CACNA1A: variants seen among roughly 807,000 people sequenced by gnomAD.
CACNA1A encodes the protein voltage-dependent P/Q-type calcium channel subunit alpha-1A.
Under a neutral mutation model 262.4 loss-of-function variants are expected in CACNA1A, and 57 were observed. The observed-to-expected ratio is 0.22, with a 90% CI of 0.18 to 0.27. CACNA1A has a LOEUF of 0.27. Ranked by LOEUF, CACNA1A falls within the 10% of genes least tolerant of loss-of-function variation. The pLI is 1.00. For missense variants in CACNA1A, 2,526 were observed against 3,562.8 expected (o/e 0.71, Z 7.41); for synonymous variants, 1,431 against 1,419.3 (o/e 1.01, Z -0.18).
At chr19:13,464,800 G>A (rs528108863) in intron 1 of CACNA1A, among the ~76,000 whole-genome samples, 41 of 151,750 alleles carry the variant, frequency 2.7e-4, no homozygotes, top group East Asian at 5.8e-4. Flanking sequence ...TGCCCACCTT[G>A]GCCTCCCAAA....
At chr19:13,491,057 C>A (rs1343258729) in intron 1 of CACNA1A, among the ~76,000 whole-genome samples, 1 of 152,358 alleles carries the variant, frequency 6.6e-6, no homozygotes, top group East Asian at 1.9e-4. Context: ...AGCTCAGACT[C>A]TGTCCCTTAA....
At chr19:13,357,318 G>A (rs1599271153) in intron 6 of CACNA1A, among the ~76,000 whole-genome samples, 1 of 152,314 alleles carries the variant, frequency 6.6e-6, no homozygotes, top group South Asian at 2.1e-4. Context: ...GGAACACTAG[G>A]CATAAATGGG....
At position 13,300,631 on chromosome 19, in the gene CACNA1A, G is replaced by A. The variant is rs1335209785; in HGVS notation, c.2198C>T (p.Ala733Val). ...TTTCTGTAGGGCAAGTTTCTGGTTCGCTGCTTCTTCTTCCTCTTGCTCGTC... is the reference window on the plus strand; with the variant it reads ...TTTCTGTAGGGCAAGTTTCTGGTTCACTGCTTCTTCTTCCTCTTGCTCGTC... ...TKDEQEEEEA[A>V]NQKLALQKAK... Residue 733 changes from alanine to valine, a missense_variant, in exon 18 of 47, where the codon GCG becomes GTG. Ala to Val is a moderately conservative substitution (Grantham distance 64, BLOSUM62 0). Transcript: ENST00000360228. The A allele has an allele frequency of 7.4e-6, 12 of 1,613,622 alleles. No individual in the cohort carries two copies. Among genetic ancestry groups the A allele is most frequent in the African/African-American group, 2.7e-5 (2 of 75,002 alleles).
At chr19:13,229,957 C>T (rs1404065186) in intron 36 of CACNA1A, 125 bp downstream of exon 36, 1 of 1,065,388 alleles carries the variant, frequency 9.4e-7, no homozygotes, top group African/African-American at 1.6e-5. Flanking sequence ...CCTGACTGAA[C>T]CTGTGAGACC....
At chr19:13,394,519 T>C (rs2900918) in intron 3 of CACNA1A, among the ~76,000 whole-genome samples, 34,093 of 152,060 alleles carry the variant, frequency 0.22, 9,060 homozygotes, top group African/African-American at 0.64. Flanking sequence ...GTCAGGGGAT[T>C]CTGAAGACTC....
intron 5 of CACNA1A, chr19:13,364,785 G>A (rs2059177585): frequency 6.6e-6 from 1 of 152,286 alleles, no homozygotes; most frequent in African/African-American, 2.4e-5. Flanking sequence ...GACTACAGGT[G>A]CCTGCCACCA....
intron 19 of CACNA1A, among the ~76,000 whole-genome samples, chr19:13,293,939 G>A (rs954629288): frequency 1.3e-5 from 2 of 152,184 alleles, no homozygotes; most frequent in African/African-American, 4.8e-5. Flanking sequence ...TGCTGCTCTT[G>A]TAGTTTCCAA....
rs2057957350 is a variant in CACNA1A at position 13,308,719 on chromosome 19, C to G, written c.1669-191G>C. On this transcript the variant is annotated intron_variant, in intron 12 of 46. Transcript: ENST00000360228. This position sits in a 1 kb window ranked among gnomAD's most constrained non-coding sequence, Gnocchi z 4.2. ...AGAGACCGGGTCTCACTGTGTCACCCAGGCTGGAGTGCAGTGGCGCAATCA... is the reference window on the plus strand; with the variant it reads ...AGAGACCGGGTCTCACTGTGTCACCGAGGCTGGAGTGCAGTGGCGCAATCA... 1 of 514,388 alleles carries G rather than the reference C, an allele frequency of 1.9e-6. No homozygotes were observed. Among genetic ancestry groups the G allele is most frequent in the African/African-American group, 1.9e-5 (1 of 51,988 alleles). The allele number at this position is 514,388 out of a possible 1,614,324, so 31.9% of individuals were successfully genotyped here. A position where few individuals can be genotyped will look rare whatever the true frequency, so the allele number is the denominator to read the frequency against.
At chr19:13,310,088 T>C (rs2057988269) in intron 12 of CACNA1A, among the ~76,000 whole-genome samples, 1 of 152,130 alleles carries the variant, frequency 6.6e-6, no homozygotes, top group Non-Finnish European at 1.5e-5. Flanking sequence ...ACCTTTTGTG[T>C]TTGGTTTCTT....
chr19:13,275,698 G>A (rs559353748), intron 24 of CACNA1A, 152 bp downstream of exon 24: 18 of 663,808 alleles, frequency 2.7e-5, no homozygotes, highest in African/African-American at 2.5e-4. Flanking sequence ...AGCCATCGAA[G>A]CTCTTCCTGG....
intron 10 of CACNA1A, among the ~76,000 whole-genome samples, chr19:13,317,839 T>C (rs1161116053): frequency 6.6e-6 from 1 of 152,228 alleles, no homozygotes; most frequent in Non-Finnish European, 1.5e-5. Flanking sequence ...ATTGAGTACC[T>C]ATTTTGTGCC....
At chr19:13,291,825 G>A (rs1192376376) in intron 19 of CACNA1A, among the ~76,000 whole-genome samples, 1 of 151,540 alleles carries the variant, frequency 6.6e-6, no homozygotes, top group Non-Finnish European at 1.5e-5. Flanking sequence ...AACCAACTTG[G>A]GCCCATTGGG....
chr19:13,210,283 G>C (rs1477606012), intron 44 of CACNA1A, among the ~76,000 whole-genome samples: 1 of 152,226 alleles, frequency 6.6e-6, no homozygotes, highest in Non-Finnish European at 1.5e-5. Flanking sequence ...GCAGGACCAG[G>C]GGTTGGTGGT....
intron 26 of CACNA1A, chr19:13,259,916 A>G: frequency 3.7e-6 from 2 of 546,290 alleles, no homozygotes; most frequent in South Asian, 4.1e-5. Flanking sequence ...GGGTGATGGC[A>G]CAACCTTACT....
chr19:13,323,105 A>G (rs1202549608), intron 10 of CACNA1A, among the ~76,000 whole-genome samples: 1 of 152,112 alleles, frequency 6.6e-6, no homozygotes, highest in African/African-American at 2.4e-5. Context: ...AACTAAATAC[A>G]AAAGTTAGCT....
intron 3 of CACNA1A, among the ~76,000 whole-genome samples, chr19:13,394,129 G>A (rs1311966268): frequency 6.6e-6 from 1 of 152,130 alleles, no homozygotes; most frequent in African/African-American, 2.4e-5. Context: ...CAAGTCTTAT[G>A]CATTATTTTA....
intron 24 of CACNA1A, among the ~76,000 whole-genome samples, chr19:13,266,033 G>A (rs1208070893): frequency 6.6e-6 from 1 of 151,758 alleles, no homozygotes; most frequent in Non-Finnish European, 1.5e-5. Flanking sequence ...TAGTAGAGAC[G>A]GGGTTTCTCC....
chr19:13,289,261 C>A (rs1416873265), intron 19 of CACNA1A, among the ~76,000 whole-genome samples: 1 of 151,824 alleles, frequency 6.6e-6, no homozygotes, highest in African/African-American at 2.4e-5. Context: ...CCCACCTCAG[C>A]CTTCCCAGTA....
Position 13,496,043 on chromosome 19 carries a change from A to ACCAT in CACNA1A, c.293+9885_293+9888dup, listed in dbSNP as rs140251496. Among the ~76,000 whole-genome samples the ACCAT allele has an allele frequency of 5.6e-3, 815 of 145,854 alleles. 12 individuals carry two copies. The highest frequency in any genetic ancestry group is 0.029 in the Admixed American group (428 of 14,586). ...ATCCACTCATCCATGCATCTGTTCA[A>ACCAT]CCATCCATCCATCCATCCATCCATC... On this transcript the variant is annotated intron_variant, in intron 1 of 46. Transcript: ENST00000360228.
Sources: allele counts gnomAD v4.1 joint callset (sites outside exome capture counted in the v4.1 genomes callset), GRCh38; gene constraint gnomAD v4.1.1; non-coding constraint Gnocchi (gnomAD v3.1); transcripts MANE v1.5; gene names NCBI Gene and HGNC (gene_info 2026-07-23, HGNC 2026-07-21).